DNTT: variants seen among roughly 807,000 people sequenced by gnomAD.
DNTT encodes the protein nucleosidetriphosphate:DNA deoxynucleotidylexotransferase.
Under a neutral mutation model 60.9 loss-of-function variants are expected in DNTT, and 47 were observed. That is an observed-to-expected ratio of 0.77 (90% CI 0.61 to 0.98). DNTT has a LOEUF of 0.98. Ranked by LOEUF, DNTT falls within the 50% of genes least tolerant of loss-of-function variation. The pLI is 0.00. For synonymous variants in DNTT, 224 were observed against 221.2 expected (o/e 1.01, Z -0.11); for missense variants, 665 against 627.5 (o/e 1.06, Z -0.64).
At chr10:96,320,318 A>G (rs1464274751) in intron 3 of DNTT, among the ~76,000 whole-genome samples, 3 of 152,242 alleles carry the variant, frequency 2.0e-5, no homozygotes, top group Non-Finnish European at 2.9e-5. Flanking sequence ...GATTATGCTG[A>G]GTCATGACTA....
At chr10:96,319,142 A>C in intron 2 of DNTT, 120 bp from the exon 3 acceptor site, 1 of 1,141,746 alleles carries the variant, frequency 8.8e-7, no homozygotes, top group Non-Finnish European at 1.2e-6. Context: ...TATAACATAA[A>C]TTTTGAGTCT....
Position 96,327,481 on chromosome 10 carries a change from T to C in DNTT, c.888T>C (p.Tyr296=), listed in dbSNP as rs1844949126. Residue 296 remains tyrosine, a synonymous_variant, in exon 7 of 11, where the codon TAT becomes TAC. Transcript: ENST00000371174. ...TRMQKAGFLY[Y]EDLVSCVTRA... ...ATGGCCTCTCAGGATTTCTGTATTA[T>C]GAAGACCTTGTCAGCTGTGTGACCA... 6.2e-7 allele frequency: 1 copy of C among 1,614,012 alleles called. No individual in the cohort carries two copies. The highest frequency in any genetic ancestry group is 1.3e-5 in the African/African-American group (1 of 74,936).
chr10:96,310,677 C>T (rs749947089), intron 1 of DNTT, among the ~76,000 whole-genome samples: 1 of 152,182 alleles, frequency 6.6e-6, no homozygotes, highest in Non-Finnish European at 1.5e-5. Context: ...CCAATTACCC[C>T]TCTCTGACTC....
chr10:96,313,704 C>G (rs1844748898), intron 1 of DNTT, among the ~76,000 whole-genome samples: 1 of 152,200 alleles, frequency 6.6e-6, no homozygotes, highest in South Asian at 2.1e-4. Context: ...TCTTTCTAGT[C>G]TGATTCCCTT....
chr10:96,336,808 G>A (rs999039990), intron 10 of DNTT, among the ~76,000 whole-genome samples: 19 of 151,736 alleles, frequency 1.3e-4, no homozygotes, highest in East Asian at 1.9e-4. Context: ...CAGGTGTGGC[G>A]GCTCGCACAC....
chr10:96,322,810 T>C, intron 5 of DNTT, 82 bp downstream of exon 5: 47 of 1,146,170 alleles, frequency 4.1e-5, no homozygotes, highest in Non-Finnish European at 5.1e-5. Context: ...ATTAGTCAGC[T>C]TGGGCTGCAA....
intron 1 of DNTT, among the ~76,000 whole-genome samples, chr10:96,310,033 A>G (rs1393541416): frequency 3.3e-5 from 5 of 152,240 alleles, no homozygotes; most frequent in African/African-American, 1.2e-4. Context: ...CTAACTTCAG[A>G]GGACCTTCCT....
intron 1 of DNTT, among the ~76,000 whole-genome samples, chr10:96,310,621 G>A (rs950513154): frequency 6.6e-6 from 1 of 152,160 alleles, no homozygotes; most frequent in Admixed American, 6.5e-5. Flanking sequence ...TGCCTAGGGT[G>A]GGCTCCCAGC....
In DNTT at chr10:96,319,300, C is replaced by T. The variant is rs150972091; in HGVS notation, c.417C>T (p.Pro139=). ...ATTCAGATAGCACCAACCCAGGCCC[C>T]CCGAAGACTCCACCAATTGCTGTAC... ...RDYSDSTNPG[P]PKTPPIAVQK... The change falls in exon 3 of 11, where the codon CCC becomes CCT. Residue 139 remains proline, a synonymous_variant. Coordinates refer to ENST00000371174, the MANE Select transcript of DNTT (RefSeq NM_004088.4). 3 of 1,613,830 alleles carry T rather than the reference C, an allele frequency of 1.9e-6. No homozygotes were observed. Among genetic ancestry groups the T allele is most frequent in the African/African-American group, 1.3e-5 (1 of 75,002 alleles).
At position 96,318,363 on chromosome 10, in the gene DNTT, C is replaced by G. The variant is rs954979982; in HGVS notation, c.215C>G (p.Thr72Ser). 6.2e-7 allele frequency: 1 copy of G among 1,610,894 alleles called. No individual in the cohort carries two copies. Among genetic ancestry groups the G allele is most frequent in the African/African-American group, 1.3e-5 (1 of 74,834 alleles). ...RVENELSDSVTHIVAENNSGS... is the reference protein window; with the variant it reads ...RVENELSDSVSHIVAENNSGS... ...CTTGCATTTTGCAGTGATTCTGTCA[C>G]CCACATCGTAGCAGAGAACAACTCG... The change falls in exon 2 of 11, where the codon ACC (threonine) becomes AGC (serine). Residue 72 changes from threonine to serine, a missense_variant. Thr to Ser is a moderately conservative substitution (Grantham distance 58). Coordinates refer to ENST00000371174, the MANE Select transcript of DNTT (RefSeq NM_004088.4).
chr10:96,306,165 C>T (rs948333794), intron 1 of DNTT, among the ~76,000 whole-genome samples: 1 of 149,638 alleles, frequency 6.7e-6, no homozygotes, highest in South Asian at 2.1e-4. Flanking sequence ...ACAATCTCGG[C>T]TCACTGCAAC....
Position 96,328,828 on chromosome 10 carries a change from A to T in DNTT, c.1111A>T (p.Lys371Ter). ...GAAAGTGATGAACTTATGGGAAAAG[A>T]AGGTGAGAAGAAAGATGAAAAATAC... The part of the protein sequence containing the change: ...LQKVMNLWEK[K>*]GLLLYYDLVE... Residue 371 changes from lysine (K) to a stop codon, truncating the protein, a stop_gained and splice_region_variant, in exon 8 of 11, where the codon AAG becomes TAG. Coordinates refer to ENST00000371174, the MANE Select transcript of DNTT (RefSeq NM_004088.4). LOFTEE classifies it high-confidence loss of function. The T allele has an allele frequency of 1.2e-6, 2 of 1,612,362 alleles. No homozygotes were observed. The highest frequency in any genetic ancestry group is 1.7e-6 in the Non-Finnish European group (2 of 1,179,492).
chr10:96,331,015 A>G (rs1845000390), intron 8 of DNTT, among the ~76,000 whole-genome samples: 2 of 152,146 alleles, frequency 1.3e-5, no homozygotes, highest in South Asian at 2.1e-4. Context: ...TCCTGTCCCC[A>G]CATCTGCCCT....
chr10:96,331,782 A>G (rs1845009601), intron 8 of DNTT, among the ~76,000 whole-genome samples: 3 of 152,032 alleles, frequency 2.0e-5, no homozygotes. Flanking sequence ...AAGTTTTATT[A>G]TTTATTTATT....
chr10:96,336,823 AGCTACTTG>A lies in DNTT; in HGVS notation c.1443+851_1443+858del, dbSNP rs547193963. 4.6e-5 allele frequency among the ~76,000 whole-genome samples: 7 copies of A among 151,894 alleles called. No homozygotes were observed. The South Asian group carries it at 8.3e-4, about 18-fold the overall frequency. ...CAGGTGTGGCGGCTCGCACACACCCAGCTACTTGGGAGGCTGAGGCAGGAGAATCACTT... is the reference window on the plus strand; with the variant it reads ...CAGGTGTGGCGGCTCGCACACACCCAGGAGGCTGAGGCAGGAGAATCACTT... On this transcript the variant is annotated intron_variant, in intron 10 of 10. Transcript: ENST00000371174.
intron 1 of DNTT, among the ~76,000 whole-genome samples, chr10:96,307,778 T>TATA (rs1316738831): frequency 6.1e-5 from 4 of 65,610 alleles, no homozygotes; most frequent in African/African-American, 2.5e-4. Flanking sequence ...TATATATATA[T>TATA]TTTTTTTTTT....
intron 1 of DNTT, among the ~76,000 whole-genome samples, chr10:96,314,149 T>G (rs1396991303): frequency 6.6e-6 from 1 of 152,214 alleles, no homozygotes; most frequent in Non-Finnish European, 1.5e-5. Context: ...TGCTGTTATA[T>G]AGGAGGTGCT....
At chr10:96,316,395 C>T (rs1487651253) in intron 1 of DNTT, among the ~76,000 whole-genome samples, 5 of 152,140 alleles carry the variant, frequency 3.3e-5, no homozygotes, top group Non-Finnish European at 7.4e-5. Flanking sequence ...ACGCTCCCCT[C>T]CAAATCACTG....
intron 10 of DNTT, among the ~76,000 whole-genome samples, chr10:96,336,259 G>C (rs765409723): frequency 1.3e-5 from 2 of 152,134 alleles, no homozygotes; most frequent in African/African-American, 2.4e-5. Flanking sequence ...GTATATCCTT[G>C]GTGTTGGCAA....
Sources: gnomAD v4.1 joint callset for allele counts (sites outside exome capture counted in the v4.1 genomes callset) on GRCh38, gnomAD v4.1.1 for gene constraint, MANE v1.5 for transcripts, NCBI Gene and HGNC (gene_info 2026-07-23, HGNC 2026-07-21) for gene names.